Variants in MTMR3 observed in about 807,000 individuals in gnomAD.
MTMR3 encodes the protein phosphatidylinositol-3,5-bisphosphate 3-phosphatase MTMR3.
Under a neutral mutation model 132.4 loss-of-function variants are expected in MTMR3, and 32 were observed. The observed-to-expected ratio is 0.24, with a 90% CI of 0.18 to 0.32. The LOEUF (loss-of-function observed/expected upper bound fraction) is 0.32, where lower values mean the gene tolerates loss of function less well. MTMR3 is among the 10% of genes least tolerant of loss of function. The pLI is 1.00. For missense variants in MTMR3, 1,216 were observed against 1,489.6 expected, an observed-to-expected ratio of 0.82 and a Z score of 3.02; for synonymous variants, 556 against 550.3, an observed-to-expected ratio of 1.01 and a Z score of -0.14.
intron 8 of MTMR3, 133 bp downstream of exon 8, chr22:29,998,990 A>T: frequency 1.8e-6 from 1 of 548,534 alleles, no homozygotes; most frequent in South Asian, 2.6e-5. Flanking sequence ...TAAAGGCATG[A>T]TCTTCAGAGT....
In MTMR3 at chr22:30,020,444, A is replaced by G; in HGVS notation, c.2785A>G (p.Asn929Asp). The G allele has an allele frequency of 6.2e-7, 1 of 1,614,152 alleles. No homozygotes were observed. The highest frequency in any genetic ancestry group is 8.5e-7 in the Non-Finnish European group (1 of 1,180,022). The stretch of plus-strand genomic sequence containing the variant: ...CGAATGTAAAGAGGGGCTTGTGTGC[A>G]ATGGTGCCCCAGAGACTGAAAACAG... ...LAECKEGLVC[N>D]GAPETENRAS... Residue 929 changes from asparagine (N) to aspartate (D), a missense_variant, in exon 17 of 20, where the codon AAT becomes GAT. By Grantham distance (23) the Asn-to-Asp change is conservative. Transcript: ENST00000401950.
At position 29,891,922 on chromosome 22, in the gene MTMR3, A is replaced by G. The variant is rs531154094; in HGVS notation, c.-138+8563A>G. Reference sequence around the variant, plus strand: ...GTAATCCTAGCACTTTGGGAGGCCAAGGCAGACGGATCATGAGGTCAGGAG... The same window carrying G: ...GTAATCCTAGCACTTTGGGAGGCCAGGGCAGACGGATCATGAGGTCAGGAG... On this transcript the variant is annotated intron_variant, in intron 1 of 19. Coordinates refer to ENST00000401950, the MANE Select transcript of MTMR3 (RefSeq NM_021090.4). Among the ~76,000 whole-genome samples the G allele has an allele frequency of 4.5e-3, 680 of 152,014 alleles. 6 individuals are homozygous for G. The highest frequency in any genetic ancestry group is 0.015 in the African/African-American group (641 of 41,466).
chr22:29,955,692 T>G (rs376170322), intron 1 of MTMR3, among the ~76,000 whole-genome samples: 156 of 152,356 alleles, frequency 1.0e-3, no homozygotes, highest in African/African-American at 3.6e-3. Context: ...ACTTCATTGT[T>G]GCATATTTAG....
chr22:29,884,259 C>CAAACA (rs3049965), intron 1 of MTMR3, among the ~76,000 whole-genome samples: 31,204 of 151,700 alleles, frequency 0.21, 3,729 homozygotes, highest in Middle Eastern at 0.38. Flanking sequence ...ACAACCCAAA[C>CAAACA]AAACAAAACA....
chr22:29,928,172 T>C (rs1482802267), intron 1 of MTMR3, among the ~76,000 whole-genome samples: 34 of 15,334 alleles, frequency 2.2e-3, no homozygotes, highest in East Asian at 8.5e-3. Context: ...TTTTTTTTTC[T>C]TTTTTTTTTT....
At chr22:29,887,515 T>C (rs73161099) in intron 1 of MTMR3, among the ~76,000 whole-genome samples, 24,468 of 152,246 alleles carry the variant, frequency 0.16, 2,060 homozygotes, top group South Asian at 0.24. Context: ...ATCACTGATA[T>C]GGCAACAGAG....
chr22:29,910,583 A>G (rs185639501), intron 1 of MTMR3, among the ~76,000 whole-genome samples: 5 of 152,304 alleles, frequency 3.3e-5, no homozygotes, highest in African/African-American at 1.2e-4. Context: ...ATGATAACCA[A>G]AAGTAGGAGT....
At chr22:29,892,825 A>G (rs189715139) in intron 1 of MTMR3, among the ~76,000 whole-genome samples, 155 of 152,344 alleles carry the variant, frequency 1.0e-3, no homozygotes, top group Admixed American at 3.4e-3. Flanking sequence ...GATGATTGCT[A>G]TATACAGTGC....
At chr22:29,911,925 T>C (rs994205281) in intron 1 of MTMR3, among the ~76,000 whole-genome samples, 3 of 152,164 alleles carry the variant, frequency 2.0e-5, no homozygotes, top group South Asian at 2.1e-4. Context: ...AGCAAAGATA[T>C]AAAGTCAGTA....
At chr22:29,916,220 G>T (rs1316367278) in intron 1 of MTMR3, among the ~76,000 whole-genome samples, 1 of 152,148 alleles carries the variant, frequency 6.6e-6, no homozygotes, top group Non-Finnish European at 1.5e-5. Flanking sequence ...AGTTTAGTAA[G>T]GTCTCTTTAA....
At chr22:29,959,020 A>C (rs1440297224) in intron 2 of MTMR3, among the ~76,000 whole-genome samples, 2 of 152,212 alleles carry the variant, frequency 1.3e-5, no homozygotes, top group African/African-American at 4.8e-5. Context: ...CTTGTAGTCC[A>C]AGTTGCTCCG....
At position 29,971,076 on chromosome 22, in the gene MTMR3, A is replaced by G. The variant is rs1233018772; in HGVS notation, c.3+14A>G. 1 of 1,590,230 alleles carries G rather than the reference A, an allele frequency of 6.3e-7. No homozygotes were observed. ...CCTCTTGTCATGGTAAGTACAAGGA[A>G]ATAAGAGTAAAAAAAAAAACAAAAA... is the stretch of plus-strand genomic sequence containing the variant. On this transcript the variant is annotated intron_variant, in intron 3 of 19. Transcript: ENST00000401950.
At chr22:30,022,189 G>A (rs767140545) in intron 18 of MTMR3, 50 bp downstream of exon 18, 35 of 1,456,370 alleles carry the variant, frequency 2.4e-5, no homozygotes, top group Non-Finnish European at 1.3e-5. Context: ...CTGTTTTGTG[G>A]TTCTTCTCCA....
At position 30,030,702 on chromosome 22, in the gene MTMR3, G is replaced by T. The variant is rs1488137534; in HGVS notation, c.*4901G>T. The T allele has an allele frequency of 1.3e-5, 2 of 151,958 alleles. No individual in the cohort carries two copies. Among genetic ancestry groups the T allele is most frequent in the African/African-American group, 4.8e-5 (2 of 41,306 alleles). The allele number at this position is 151,958 out of a possible 1,614,324, so 9.4% of individuals were successfully genotyped here. On this transcript the variant is annotated 3_prime_UTR_variant, in exon 20 of 20. Coordinates refer to ENST00000401950, the MANE Select transcript of MTMR3 (RefSeq NM_021090.4). ...CATGGATTCCTGATGTTTAGAGGCGGAAGGGACCTTAGGTCACCTACTTCC... is the reference window on the plus strand; with the variant it reads ...CATGGATTCCTGATGTTTAGAGGCGTAAGGGACCTTAGGTCACCTACTTCC...
At chr22:30,022,824 TC>T (rs2067799513) in intron 19 of MTMR3, 127 bp downstream of exon 19, 7 of 802,354 alleles carry the variant, frequency 8.7e-6, no homozygotes, top group Non-Finnish European at 1.2e-5. Context: ...GGTCTCATCT[TC>T]CTGTGCCTCT....
chr22:29,967,966 ATTC>A (rs2066462284), intron 2 of MTMR3, among the ~76,000 whole-genome samples: 1 of 151,042 alleles, frequency 6.6e-6, no homozygotes, highest in Non-Finnish European at 1.5e-5. Flanking sequence ...TTGTTTATCC[ATTC>A]ACATTTTGTT....
At chr22:29,883,707 G>C (rs2064602021) in intron 1 of MTMR3, among the ~76,000 whole-genome samples, 1 of 152,208 alleles carries the variant, frequency 6.6e-6, no homozygotes, top group Non-Finnish European at 1.5e-5. Context: ...AGCGCCCGGA[G>C]TTATTCCCAC....
At chr22:29,947,328 TTGTC>T (rs973700447) in intron 1 of MTMR3, among the ~76,000 whole-genome samples, 40 of 152,136 alleles carry the variant, frequency 2.6e-4, no homozygotes, top group African/African-American at 9.7e-4. Context: ...TTCCAATTAT[TTGTC>T]TGTGTGGATT....
At chr22:29,976,818 G>A (rs1480614050) in intron 3 of MTMR3, among the ~76,000 whole-genome samples, 1 of 152,136 alleles carries the variant, frequency 6.6e-6, no homozygotes, top group Non-Finnish European at 1.5e-5. Flanking sequence ...TATGATTATG[G>A]TTGCTGTTAG....
Sources: gnomAD v4.1 joint callset for allele counts (sites outside exome capture counted in the v4.1 genomes callset) on GRCh38, gnomAD v4.1.1 for gene constraint, MANE v1.5 for transcripts, NCBI Gene and HGNC (gene_info 2026-07-23, HGNC 2026-07-21) for gene names.